Variants in SHCBP1L observed in about 807,000 individuals in gnomAD.
SHCBP1L encodes the protein SHC binding and spindle associated 1 like, also known as testicular spindle-associated protein SHCBP1L.
Under a neutral mutation model 62.5 loss-of-function variants are expected in SHCBP1L, and 67 were observed. The ratio of observed to expected loss-of-function variants is 1.07; its 90% CI spans 0.88 to 1.31. The LOEUF (loss-of-function observed/expected upper bound fraction) is 1.31, where lower values mean the gene tolerates loss of function less well. Among genes scored for constraint, SHCBP1L ranks in the 40% most tolerant of loss-of-function variants. SHCBP1L has a pLI of 0.00. For synonymous variants in SHCBP1L, 284 were observed against 289.4 expected, an observed-to-expected ratio of 0.98 and a Z score of 0.19; for missense variants, 823 against 809.8, an observed-to-expected ratio of 1.02 and a Z score of -0.20.
chr1:182,942,026 A>C, intron 2 of SHCBP1L: 1 of 883,000 alleles, frequency 1.1e-6, no homozygotes, highest in Non-Finnish European at 1.8e-6. Flanking sequence ...TGCATTTACA[A>C]AATAGTTGAT....
chr1:182,900,061 C>T lies in SHCBP1L; in HGVS notation c.1884G>A (p.Met628Ile). The T allele has an allele frequency of 1.2e-6, 2 of 1,613,134 alleles. No homozygotes were observed. The highest frequency in any genetic ancestry group is 1.7e-6 in the Non-Finnish European group (2 of 1,179,522). ...TATTCATTTCCAGATTCAGATTTTG[C>T]ATTACTTTGAAGAGCATTTTATCAT... Reference protein sequence around the residue: ...KKDDKMLFKVMQNLNLEMNNN... With the variant: ...KKDDKMLFKVIQNLNLEMNNN... The change falls in exon 10 of 10, where the codon ATG becomes ATA. Residue 628 changes from methionine (M) to isoleucine (I), a missense_variant. Coordinates refer to ENST00000367547, the MANE Select transcript of SHCBP1L (RefSeq NM_030933.4).
At position 182,939,347 on chromosome 1, in the gene SHCBP1L, C is replaced by A; in HGVS notation, c.905G>T (p.Arg302Leu). 1 of 1,613,940 alleles carries A rather than the reference C, an allele frequency of 6.2e-7. No individual in the cohort carries two copies. The highest frequency in any genetic ancestry group is 8.5e-7 in the Non-Finnish European group (1 of 1,179,938). ...DGTIPGPIAQ[R>L]FKKTLEKYKN... ...ATATTTCTCCAAAGTTTTTTTAAAA[C>A]GTTGTGCGATAGGACCAGGTATTGT... The change falls in exon 5 of 10, where the codon CGT (arginine) becomes CTT (leucine). Residue 302 changes from arginine (R) to leucine (L), a missense_variant. Coordinates refer to ENST00000367547, the MANE Select transcript of SHCBP1L (RefSeq NM_030933.4).
intron 6 of SHCBP1L, among the ~76,000 whole-genome samples, chr1:182,910,837 C>T (rs1422725772): frequency 6.6e-6 from 1 of 152,162 alleles, no homozygotes; most frequent in Non-Finnish European, 1.5e-5. Context: ...AATCTGCAAA[C>T]ACTGGGAGAG....
At chr1:182,921,534 G>A (rs1650528173) in intron 6 of SHCBP1L, among the ~76,000 whole-genome samples, 2 of 152,066 alleles carry the variant, frequency 1.3e-5, no homozygotes, top group Admixed American at 6.6e-5. Flanking sequence ...AAAGTAAATG[G>A]GTTATATGCC....
intron 2 of SHCBP1L, among the ~76,000 whole-genome samples, chr1:182,944,937 A>G (rs919412319): frequency 7.5e-6 from 1 of 132,770 alleles, no homozygotes; most frequent in African/African-American, 2.8e-5. Context: ...TCATTTGCTC[A>G]TTTTCTTTTT....
chr1:182,916,615 T>G (rs546565709), intron 6 of SHCBP1L, among the ~76,000 whole-genome samples: 29 of 152,272 alleles, frequency 1.9e-4, no homozygotes, highest in Non-Finnish European at 3.5e-4. Flanking sequence ...CACCAACAAA[T>G]GCACTGATTT....
chr1:182,912,190 C>G (rs541463851), intron 6 of SHCBP1L, among the ~76,000 whole-genome samples: 1 of 152,284 alleles, frequency 6.6e-6, no homozygotes, highest in South Asian at 2.1e-4. Context: ...GCCTGTACTC[C>G]CAGCTCTTAG....
chr1:182,900,334 C>G (rs1649788969), intron 9 of SHCBP1L, 100 bp from the exon 10 acceptor site: 7 of 1,055,102 alleles, frequency 6.6e-6, no homozygotes, highest in African/African-American at 1.6e-5. Context: ...CTTGGATTAA[C>G]AGATTTTTTA....
chr1:182,914,517 T>C (rs1334131190), intron 6 of SHCBP1L, among the ~76,000 whole-genome samples: 1 of 152,194 alleles, frequency 6.6e-6, no homozygotes, highest in Non-Finnish European at 1.5e-5. Flanking sequence ...ACGATGGAGC[T>C]GTATGCTATT....
At chr1:182,901,899 G>GA (rs1649849580) in intron 9 of SHCBP1L, among the ~76,000 whole-genome samples, 2 of 152,150 alleles carry the variant, frequency 1.3e-5, no homozygotes, top group Non-Finnish European at 2.9e-5. Flanking sequence ...AGAAAGCAGA[G>GA]TGGGCCTCTG....
chr1:182,943,429 TTTTG>T (rs1187871954), intron 2 of SHCBP1L, among the ~76,000 whole-genome samples: 4 of 146,740 alleles, frequency 2.7e-5, no homozygotes, highest in East Asian at 2.0e-4. Flanking sequence ...GCCTAGTTTT[TTTTG>T]TTTGTTTGTG....
chr1:182,914,537 T>C (rs1463336828), intron 6 of SHCBP1L, among the ~76,000 whole-genome samples: 1 of 152,130 alleles, frequency 6.6e-6, no homozygotes, highest in African/African-American at 2.4e-5. Context: ...TAAAGCAAAG[T>C]TGGTATCAAT....
intron 6 of SHCBP1L, among the ~76,000 whole-genome samples, chr1:182,922,828 A>C (rs1412570891): frequency 6.6e-6 from 1 of 152,172 alleles, no homozygotes; most frequent in Non-Finnish European, 1.5e-5. Context: ...ACAACCTAAC[A>C]TCACACCTGG....
At position 182,905,485 on chromosome 1, in the gene SHCBP1L, G is replaced by A. The variant is rs758926403; in HGVS notation, c.1336+11C>T. On this transcript the variant is annotated intron_variant, in intron 7 of 9. Coordinates refer to ENST00000367547, the MANE Select transcript of SHCBP1L (RefSeq NM_030933.4). ...TGCTGTAAAAAAAACTACAAAGGAT[G>A]CCCTGCTAACCCTTTATAATGATGT... 7 of 1,611,708 alleles carry A rather than the reference G, an allele frequency of 4.3e-6. 1 individual carries two copies. The highest frequency in any genetic ancestry group is 1.6e-4 in the Middle Eastern group (1 of 6,066).
At chr1:182,922,364 C>A (rs1278574176) in intron 6 of SHCBP1L, among the ~76,000 whole-genome samples, 1 of 151,964 alleles carries the variant, frequency 6.6e-6, no homozygotes, top group East Asian at 1.9e-4. Flanking sequence ...ACCAGCCTGG[C>A]CAACATGGTG....
chr1:182,951,323 C>A lies in SHCBP1L; in HGVS notation c.550G>T (p.Val184Phe). The change falls in exon 2 of 10, where the codon GTT becomes TTT. Residue 184 changes from valine to phenylalanine, a missense_variant. Coordinates refer to ENST00000367547, the MANE Select transcript of SHCBP1L (RefSeq NM_030933.4). ...EASIPFVGIL[V>F]EVTCEPYQDS... Reference sequence around the variant, plus strand: ...ATCAAATAAAATTTATTTACCTCAACCAATATACCAACAAAAGGGATAGAA... The same window carrying A: ...ATCAAATAAAATTTATTTACCTCAAACAATATACCAACAAAAGGGATAGAA... The A allele has an allele frequency of 1.3e-6, 2 of 1,559,754 alleles. No homozygotes were observed. The highest frequency in any genetic ancestry group is 8.7e-7 in the Non-Finnish European group (1 of 1,155,326).
intron 5 of SHCBP1L, among the ~76,000 whole-genome samples, chr1:182,937,030 G>A (rs1284814812): frequency 1.3e-5 from 2 of 151,400 alleles, no homozygotes; most frequent in South Asian, 2.1e-4. Flanking sequence ...CTCCAGCCTG[G>A]GTGACAGGGC....
Position 182,903,025 on chromosome 1 carries a change from A to G in SHCBP1L, c.1710+14T>C. On this transcript the variant is annotated intron_variant, in intron 9 of 9. Coordinates refer to ENST00000367547, the MANE Select transcript of SHCBP1L (RefSeq NM_030933.4). ...ATTCTTATAACAATGCTACATCAAG[A>G]AATAAGAGAATACCTTCATATTAAC... The G allele has an allele frequency of 6.4e-7, 1 of 1,560,304 alleles. No homozygotes were observed. Among genetic ancestry groups the G allele is most frequent in the Non-Finnish European group, 8.7e-7 (1 of 1,154,938 alleles).
intron 6 of SHCBP1L, among the ~76,000 whole-genome samples, chr1:182,928,564 G>A (rs1405082471): frequency 6.6e-6 from 1 of 152,104 alleles, no homozygotes; most frequent in Non-Finnish European, 1.5e-5. Flanking sequence ...TCAGCAGGCA[G>A]AGGAAACAAC....
Sources: gnomAD v4.1 joint callset for allele counts (sites outside exome capture counted in the v4.1 genomes callset) on GRCh38, gnomAD v4.1.1 for gene constraint, MANE v1.5 for transcripts, NCBI Gene and HGNC (gene_info 2026-07-23, HGNC 2026-07-21) for gene names.